SEPTIN5: variants seen among roughly 807,000 people sequenced by gnomAD.
The protein encoded by SEPTIN5 is septin-5.
Under a neutral mutation model 51.2 loss-of-function variants are expected in SEPTIN5, and 16 were observed. The ratio of observed to expected loss-of-function variants is 0.31; its 90% CI spans 0.21 to 0.47. The LOEUF (loss-of-function observed/expected upper bound fraction) is 0.47. SEPTIN5 is among the 20% of genes least tolerant of loss of function. SEPTIN5 has a pLI of 0.99. For missense variants in SEPTIN5, 376 were observed against 500.3 expected (o/e 0.75, Z 2.37); for synonymous variants, 208 against 191.2 (o/e 1.09, Z -0.72).
chr22:19,717,283 C>T, intron 2 of SEPTIN5: 1 of 470,574 alleles, frequency 2.1e-6, no homozygotes. Flanking sequence ...GCCCCATGTC[C>T]TGCTCCGCTG....
At position 19,723,034 on chromosome 22, in the gene SEPTIN5, G is replaced by C. The variant is rs921020003; in HGVS notation, c.*550G>C. 3 of 474,490 alleles carry C rather than the reference G, an allele frequency of 6.3e-6. No homozygotes were observed. The highest frequency in any genetic ancestry group is 1.2e-5 in the Non-Finnish European group (3 of 248,152). The allele number at this position is 474,490 out of a possible 1,614,324, so 29.4% of individuals were successfully genotyped here. A position where few individuals can be genotyped will look rare whatever the true frequency, so the allele number is the denominator to read the frequency against. ...ACATAAGGAGGCCAGAGGCTGCAAG[G>C]AGCGGGGTCGTGACCGCTTACACCC... On this transcript the variant is annotated 3_prime_UTR_variant, in exon 12 of 12. Transcript: ENST00000455784.
intron 2 of SEPTIN5, chr22:19,718,598 C>T (rs780767723): frequency 3.9e-6 from 5 of 1,291,184 alleles, no homozygotes; most frequent in Non-Finnish European, 4.9e-6. Context: ...GTCCAGGCCT[C>T]ACTTCCCGCG....
chr22:19,714,871 G>C lies in SEPTIN5; in HGVS notation c.54+80G>C. ...GTGACACTAGCGCCTTGGGCGCCCA[G>C]GCGCGACCCCGCCCCCGCCGGCCCT... On this transcript the variant is annotated intron_variant, in intron 2 of 11. Transcript: ENST00000455784. The surrounding 1 kb of genome is among the most constrained non-coding windows in gnomAD (Gnocchi z 5.2). The C allele has an allele frequency of 6.7e-7, 1 of 1,493,992 alleles. No individual in the cohort carries two copies. Among genetic ancestry groups the C allele is most frequent in the South Asian group, 1.2e-5 (1 of 83,568 alleles). The allele number at this position is 1,493,992 out of a possible 1,614,324, so 92.5% of individuals were successfully genotyped here. A position where few individuals can be genotyped will look rare whatever the true frequency, so the allele number is the denominator to read the frequency against.
chr22:19,721,163 C>A (rs773487251), intron 8 of SEPTIN5, among the ~76,000 whole-genome samples: 5 of 152,334 alleles, frequency 3.3e-5, no homozygotes, highest in Admixed American at 6.5e-5. Flanking sequence ...GGCCCCCAAC[C>A]CCAACCCTCT....
At chr22:19,717,336 GC>G in intron 2 of SEPTIN5, 1 of 470,614 alleles carries the variant, frequency 2.1e-6, no homozygotes, top group Middle Eastern at 3.3e-4. Flanking sequence ...GAGGTGGGTG[GC>G]CCACAGAGCG....
intron 2 of SEPTIN5, among the ~76,000 whole-genome samples, chr22:19,715,961 G>A (rs1166118760): frequency 6.6e-6 from 1 of 152,238 alleles, no homozygotes; most frequent in Non-Finnish European, 1.5e-5. Flanking sequence ...GGGAAAGCCA[G>A]GAGGCCAGGC....
chr22:19,720,707 G>A, intron 7 of SEPTIN5, 41 bp downstream of exon 7: 1 of 1,610,300 alleles, frequency 6.2e-7, no homozygotes, highest in Admixed American at 1.7e-5. Flanking sequence ...AGGGCCCTGG[G>A]GCTGAGAGTA....
At position 19,717,878 on chromosome 22, in the gene SEPTIN5, C is replaced by T. The variant is rs546344351; in HGVS notation, c.55-1724C>T. The T allele has an allele frequency of 6.5e-5, 11 of 170,272 alleles. No homozygotes were observed. In the South Asian group the frequency reaches 1.3e-3, roughly 20 times the overall value. 10.5% of individuals were successfully genotyped at this position (170,272 alleles called of 1,614,324 possible). ...CGCACACACGCAGGCATTACACACA[C>T]ACACATTACACACACACACCCGCAC... On this transcript the variant is annotated intron_variant, in intron 2 of 11. Transcript: ENST00000455784.
Position 19,723,288 on chromosome 22 carries a change from C to T in SEPTIN5, c.*804C>T, listed in dbSNP as rs1326594237. 3 of 695,728 alleles carry T rather than the reference C, an allele frequency of 4.3e-6. No individual in the cohort carries two copies. The highest frequency in any genetic ancestry group is 2.3e-4 in the Middle Eastern group (1 of 4,368). The allele number at this position is 695,728 out of a possible 1,614,324, so 43.1% of individuals were successfully genotyped here. On this transcript the variant is annotated 3_prime_UTR_variant, in exon 12 of 12. Coordinates refer to ENST00000455784, the MANE Select transcript of SEPTIN5 (RefSeq NM_002688.6). ...TCCGTTGTGAATGCCGCGTCCTGTC[C>T]TGGTGACAGGAGAACAATGTTGGTG...
intron 2 of SEPTIN5, chr22:19,718,541 C>T (rs1935953650): frequency 7.8e-7 from 1 of 1,283,778 alleles, no homozygotes; most frequent in Non-Finnish European, 9.9e-7. Flanking sequence ...GGGGATGGCT[C>T]GGTCGGCCTC....
At chr22:19,720,725 G>T in intron 7 of SEPTIN5, 43 bp from the exon 8 acceptor site, 2 of 1,611,730 alleles carry the variant, frequency 1.2e-6, no homozygotes, top group Admixed American at 1.7e-5. Flanking sequence ...GTACCAGGGG[G>T]ACTTGTCTGG....
Position 19,721,803 on chromosome 22 carries a change from A to T in SEPTIN5, c.815-19A>T. On this transcript the variant is annotated intron_variant, in intron 9 of 11. Coordinates refer to ENST00000455784, the MANE Select transcript of SEPTIN5 (RefSeq NM_002688.6). ...TGTCCTGGGCCGGCGCCAGCCCACT[A>T]CCCACCCCCACCCCGCAGTGGAGAA... is the stretch of plus-strand genomic sequence containing the variant. 6.4e-7 allele frequency: 1 copy of T among 1,561,934 alleles called. No individual in the cohort carries two copies. The highest frequency in any genetic ancestry group is 8.8e-7 in the Non-Finnish European group (1 of 1,138,834).
rs779837958 is a variant in SEPTIN5 at position 19,714,752 on chromosome 22, C to G, written c.44-29C>G. ...GCCCGGACCCGCTCGGAACCGGACC[C>G]GGACTCGACCCCGACCCCGACCCCG... On this transcript the variant is annotated intron_variant, in intron 1 of 11. Coordinates refer to ENST00000455784, the MANE Select transcript of SEPTIN5 (RefSeq NM_002688.6). This position sits in a 1 kb window ranked among gnomAD's most constrained non-coding sequence, Gnocchi z 5.2. 6.3e-7 allele frequency: 1 copy of G among 1,589,016 alleles called. No homozygotes were observed. Among genetic ancestry groups the G allele is most frequent in the Non-Finnish European group, 8.5e-7 (1 of 1,174,324 alleles).
intron 2 of SEPTIN5, among the ~76,000 whole-genome samples, chr22:19,715,538 G>C (rs931122169): frequency 1.3e-5 from 2 of 152,254 alleles, no homozygotes; most frequent in Non-Finnish European, 2.9e-5. Context: ...GGTGGGCTGG[G>C]GGGGCTGGGG....
At chr22:19,716,418 G>A (rs1367893923) in intron 2 of SEPTIN5, among the ~76,000 whole-genome samples, 1 of 152,232 alleles carries the variant, frequency 6.6e-6, no homozygotes, top group Admixed American at 6.5e-5. Flanking sequence ...AGGCAGCACC[G>A]GTGATCTCTT....
At chr22:19,721,394 G>A (rs1190011535) in intron 8 of SEPTIN5, among the ~76,000 whole-genome samples, 4 of 152,154 alleles carry the variant, frequency 2.6e-5, no homozygotes, top group Non-Finnish European at 5.9e-5. Context: ...TCTTGATGAG[G>A]GAGGAGATGA....
chr22:19,720,566 T>C lies in SEPTIN5; in HGVS notation c.515T>C (p.Val172Ala), dbSNP rs748370890. ...PFGHGLRPVD[V>A]GFMKALHEKV... ...CTCGGCAGGCTGCGGCCAGTGGATG[T>C]GGGTTTCATGAAGGCATTGCATGAG... The change falls in exon 7 of 12, where the codon GTG becomes GCG. Residue 172 changes from valine (V) to alanine (A), a missense_variant. By Grantham distance (64) the Val-to-Ala change is moderately conservative (BLOSUM62 0). Around this residue, in one of 2 missense-constraint regions of SEPTIN5, gnomAD observed 287 missense variants for 417.1 expected, o/e 0.69. Transcript: ENST00000455784. 1 of 1,613,052 alleles carries C rather than the reference T, an allele frequency of 6.2e-7. No homozygotes were observed. Among genetic ancestry groups the C allele is most frequent in the Non-Finnish European group, 8.5e-7 (1 of 1,180,008 alleles).
In SEPTIN5 at chr22:19,719,610, C is replaced by T. The variant is rs1601241266; in HGVS notation, c.63C>T (p.Asp21=). Residue 21 remains aspartate (D), a synonymous_variant, in exon 3 of 12, where the codon GAC becomes GAT. Coordinates refer to ENST00000455784, the MANE Select transcript of SEPTIN5 (RefSeq NM_002688.6). ...LATPEDKQDI[D]KQYVGFATLP... is the part of the protein sequence containing the mutation. ...TTCCATCCTGTCCCCAGGACATTGA[C>T]AAGCAGTACGTGGGCTTCGCCACAC... 1 of 1,612,382 alleles carries T rather than the reference C, an allele frequency of 6.2e-7. No homozygotes were observed. The highest frequency in any genetic ancestry group is 8.5e-7 in the Non-Finnish European group (1 of 1,179,420).
At chr22:19,718,809 G>A (rs774344066) in intron 2 of SEPTIN5, 105 of 1,237,318 alleles carry the variant, frequency 8.5e-5, no homozygotes, top group Non-Finnish European at 1.0e-4. Context: ...AGGCCCAGAG[G>A]CGGCTCAAGG....
Sources: gnomAD v4.1 joint callset for allele counts (sites outside exome capture counted in the v4.1 genomes callset) on GRCh38, gnomAD v4.1.1 for gene constraint, gnomAD v4.1.1 regional missense constraint, Gnocchi (gnomAD v3.1) non-coding constraint, MANE v1.5 for transcripts, NCBI Gene and HGNC (gene_info 2026-07-23, HGNC 2026-07-21) for gene names.